The following MOV10 variants were observed in gnomAD, a reference collection of about 807,000 sequenced individuals.
MOV10 encodes Mov10 RNA helicase.
MOV10 carries 39 observed loss-of-function variants against 108.4 expected under a neutral mutation model. That is an observed-to-expected ratio of 0.36 (90% CI 0.28 to 0.47). MOV10 has a LOEUF of 0.47. Among genes scored for constraint, MOV10 ranks in the 20% least tolerant of loss-of-function variants. MOV10 has a pLI of 1.00. For missense variants in MOV10, 952 were observed against 1,297.6 expected, an observed-to-expected ratio of 0.73 and a Z score of 4.09; for synonymous variants, 490 against 523.1, an observed-to-expected ratio of 0.94 and a Z score of 0.86.
intron 6 of MOV10, among the ~76,000 whole-genome samples, chr1:112,692,422 G>A (rs990017615): frequency 2.0e-5 from 3 of 152,198 alleles, no homozygotes; most frequent in African/African-American, 7.2e-5. Flanking sequence ...GTTAGTCCTG[G>A]CCTGTTTGAG....
chr1:112,696,814 C>T lies in MOV10; in HGVS notation c.2166C>T (p.Pro722=), dbSNP rs1674137838. The change falls in exon 14 of 21, where the codon CCC becomes CCT. Residue 722 remains proline (P), a synonymous_variant. Transcript: ENST00000369645. ...AGAAGGGCCCTGATGGCTATGACCC[C>T]CAGTTCATAACCAAGCTGCTCCGCA... The part of the protein sequence containing the change: ...LYKKGPDGYD[P]QFITKLLRNY... 6.2e-7 allele frequency: 1 copy of T among 1,603,584 alleles called. No homozygotes were observed. Among genetic ancestry groups the T allele is most frequent in the Non-Finnish European group, 8.5e-7 (1 of 1,174,462 alleles).
Position 112,689,474 on chromosome 1 carries a change from C to T in MOV10, c.401C>T (p.Ala134Val), listed in dbSNP as rs1403751867. 1 of 1,613,742 alleles carries T rather than the reference C, an allele frequency of 6.2e-7. No homozygotes were observed. Among genetic ancestry groups the T allele is most frequent in the South Asian group, 1.1e-5 (1 of 91,066 alleles). The change falls in exon 4 of 21, where the codon GCC (alanine) becomes GTC (valine). Residue 134 changes from alanine (A) to valine (V), a missense_variant. By Grantham distance (64) the Ala-to-Val change is moderately conservative. Coordinates refer to ENST00000369645, the MANE Select transcript of MOV10 (RefSeq NM_001321324.2). ...VDVEVQGPHEARDGQLLIRLD... is the reference protein window; with the variant it reads ...VDVEVQGPHEVRDGQLLIRLD... ...GTGGAAGTCCAGGGGCCCCATGAAGCCCGAGATGGGCAGCTCCTTATCCGC... is the reference window on the plus strand; with the variant it reads ...GTGGAAGTCCAGGGGCCCCATGAAGTCCGAGATGGGCAGCTCCTTATCCGC...
chr1:112,697,891 G>T, intron 14 of MOV10, 103 bp from the exon 15 acceptor site: 1 of 896,766 alleles, frequency 1.1e-6, no homozygotes, highest in South Asian at 1.4e-5. Flanking sequence ...AGCCAGCGGG[G>T]TAGCAGGCTA....
intron 2 of MOV10, among the ~76,000 whole-genome samples, chr1:112,679,277 G>A (rs1478214695): frequency 2.0e-5 from 3 of 152,158 alleles, no homozygotes; most frequent in Non-Finnish European, 4.4e-5. Context: ...AGTGATACAA[G>A]TAGTTGGGAA....
Position 112,695,499 on chromosome 1 carries a change from G to C in MOV10, c.1704G>C (p.Arg568=), listed in dbSNP as rs759573125. ...CTGACCTACTCTGTCAAAGGCTCCG[G>C]GTCCACCTTCCTAGCTCCATCTACC... ...SGADLLCQRL[R]VHLPSSIYRL... Residue 568 remains arginine (R), a synonymous_variant, in exon 11 of 21, where the codon CGG becomes CGC. Transcript: ENST00000369645. 6.2e-7 allele frequency: 1 copy of C among 1,614,234 alleles called. No homozygotes were observed. Among genetic ancestry groups the C allele is most frequent in the Non-Finnish European group, 8.5e-7 (1 of 1,180,046 alleles).
At chr1:112,683,763 G>T (rs1672849223) in intron 2 of MOV10, among the ~76,000 whole-genome samples, 1 of 152,156 alleles carries the variant, frequency 6.6e-6, no homozygotes, top group African/African-American at 2.4e-5. Context: ...CTTACAATGT[G>T]TTCACCTTTC....
At position 112,700,598 on chromosome 1, in the gene MOV10, ACAGGAAGGCT is replaced by A. The variant is rs760397449; in HGVS notation, c.*92_*101del. The A allele has an allele frequency of 6.4e-7, 1 of 1,566,278 alleles. No homozygotes were observed. The highest frequency in any genetic ancestry group is 8.7e-7 in the Non-Finnish European group (1 of 1,155,936). Reference sequence around the variant, plus strand: ...CCCAGCTGAACTGCCCCTCCAAGGGACAGGAAGGCTGGGGGAGGGAGTTTACAACCCAAGC... The same window carrying A: ...CCCAGCTGAACTGCCCCTCCAAGGGAGGGGGAGGGAGTTTACAACCCAAGC... On this transcript the variant is annotated 3_prime_UTR_variant, in exon 21 of 21. Transcript: ENST00000369645.
At chr1:112,681,632 TAAAG>T (rs1323704246) in intron 2 of MOV10, among the ~76,000 whole-genome samples, 2 of 152,028 alleles carry the variant, frequency 1.3e-5, no homozygotes, top group South Asian at 2.1e-4. Flanking sequence ...ATTTTAAACA[TAAAG>T]AAAAGTTGAA....
In MOV10 at chr1:112,694,515, C is replaced by A; in HGVS notation, c.1358C>A (p.Pro453Gln). The change falls in exon 9 of 21, where the codon CCG becomes CAG. Residue 453 changes from proline to glutamine, a missense_variant. Pro to Gln is a moderately conservative substitution (Grantham distance 76, BLOSUM62 -1). Around this residue, in one of 5 missense-constraint regions of MOV10, gnomAD observed 453 missense variants for 611.5 expected, o/e 0.74. Transcript: ENST00000369645. The surrounding 1 kb of genome is among the most constrained non-coding windows in gnomAD (Gnocchi z 4.1). ...FKVNFTFNRQ[P>Q]LRVQHRALEL... The stretch of plus-strand genomic sequence containing the variant: ...GTGAACTTTACCTTCAACCGCCAGC[C>A]GCTGCGAGTCCAGCACCGTGCCCTG... 6.2e-7 allele frequency: 1 copy of A among 1,614,168 alleles called. No individual in the cohort carries two copies. The highest frequency in any genetic ancestry group is 8.5e-7 in the Non-Finnish European group (1 of 1,180,036).
chr1:112,694,213 A>G lies in MOV10; in HGVS notation c.1295+41A>G, dbSNP rs1462817650. 1 of 1,612,100 alleles carries G rather than the reference A, an allele frequency of 6.2e-7. No homozygotes were observed. The highest frequency in any genetic ancestry group is 1.1e-5 in the South Asian group (1 of 90,998). On this transcript the variant is annotated intron_variant, in intron 8 of 20. Coordinates refer to ENST00000369645, the MANE Select transcript of MOV10 (RefSeq NM_001321324.2). The surrounding 1 kb of genome is among the most constrained non-coding windows in gnomAD (Gnocchi z 4.1). ...ACCCTGAGCTGCTGGAAGGGTCTAC[A>G]GACTTCTGACCCCAGGGGAGGAGGA...
Position 112,700,634 on chromosome 1 carries a change from C to G in MOV10, c.*127C>G, listed in dbSNP as rs1220247241. On this transcript the variant is annotated 3_prime_UTR_variant, in exon 21 of 21. Transcript: ENST00000369645. ...GGGGGAGGGAGTTTACAACCCAAGC[C>G]ATTCCACCCCCTCCCCTGCTGGGGA... The G allele has an allele frequency of 5.2e-6, 8 of 1,545,528 alleles. No individual in the cohort carries two copies. In the East Asian group the frequency reaches 2.0e-4, roughly 38 times the overall value.
chr1:112,678,277 A>G (rs1452726144), intron 2 of MOV10, among the ~76,000 whole-genome samples: 3 of 152,068 alleles, frequency 2.0e-5, no homozygotes, highest in African/African-American at 7.3e-5. Flanking sequence ...AGTCCATTGT[A>G]TGGGGTAAGG....
chr1:112,681,213 C>T (rs11102519), intron 2 of MOV10, among the ~76,000 whole-genome samples: 4,789 of 151,918 alleles, frequency 0.032, 313 homozygotes, highest in African/African-American at 0.11. Flanking sequence ...CATGTTTGGC[C>T]GGGCTCAGTG....
At position 112,698,446 on chromosome 1, in the gene MOV10, A is replaced by C; in HGVS notation, c.2476A>C (p.Ser826Arg). 1.2e-6 allele frequency: 2 copies of C among 1,614,084 alleles called. No homozygotes were observed. The highest frequency in any genetic ancestry group is 1.1e-5 in the South Asian group (1 of 91,082). Residue 826 changes from serine (S) to arginine (R), a missense_variant, in exon 16 of 21, where the codon AGT becomes CGT. Physicochemically the swap from Ser to Arg is moderately radical, Grantham distance 110 (BLOSUM62 -1). Transcript: ENST00000369645. ...KKGKARLSPR[S>R]VGVISPYRKQ... ...GGGCAAAGCTCGCCTGAGCCCTCGA[A>C]GTGTGGGCGTCATCTCCCCGTACCG...
At chr1:112,697,021 T>C (rs1674164513) in intron 14 of MOV10, among the ~76,000 whole-genome samples, 175 bp downstream of exon 14, 2 of 152,224 alleles carry the variant, frequency 1.3e-5, no homozygotes, top group African/African-American at 4.8e-5. Context: ...GCTTGTTGTC[T>C]GCGTGACTTA....
Position 112,685,766 on chromosome 1 carries a change from G to A in MOV10, c.138-3169G>A, listed in dbSNP as rs369173996. On this transcript the variant is annotated intron_variant, in intron 2 of 20. Coordinates refer to ENST00000369645, the MANE Select transcript of MOV10 (RefSeq NM_001321324.2). ...TTTCCGACAAGAATATAATAAGTTT[G>A]TGATTTTTTAAAAATAATTTTTGTA... Among the ~76,000 whole-genome samples the A allele has an allele frequency of 8.5e-5, 13 of 152,224 alleles. No homozygotes were observed. The East Asian group carries it at 1.5e-3, about 18-fold the overall frequency.
At position 112,674,743 on chromosome 1, in the gene MOV10, G is replaced by C; in HGVS notation, c.-66+14G>C. On this transcript the variant is annotated intron_variant, in intron 1 of 20. Transcript: ENST00000369645. ...GGGAAAGCTCAGGTAAGAAAAGAAC[G>C]GAGGAGGGAAGCCTGGTGGGGAGAA... 3.4e-6 allele frequency: 2 copies of C among 583,476 alleles called. No individual in the cohort carries two copies. The highest frequency in any genetic ancestry group is 5.8e-6 in the Non-Finnish European group (2 of 345,660). The allele number at this position is 583,476 out of a possible 1,614,324, so 36.1% of individuals were successfully genotyped here. A position where few individuals can be genotyped will look rare whatever the true frequency, so the allele number is the denominator to read the frequency against.
At chr1:112,683,990 G>A (rs1329933895) in intron 2 of MOV10, among the ~76,000 whole-genome samples, 2 of 151,860 alleles carry the variant, frequency 1.3e-5, no homozygotes, top group Non-Finnish European at 2.9e-5. Context: ...TTGCTCTGTT[G>A]CCCAGACTGG....
rs1199386171 is a variant in MOV10, at chr1:112,675,463, G to A, written c.137+414G>A. The stretch of plus-strand genomic sequence containing the variant: ...TTAGAGGCTGCCTGTTGGGGGCTGC[G>A]AGCCCGAGCGCGGGCTTTACAGGGA... On this transcript the variant is annotated intron_variant, in intron 2 of 20. Transcript: ENST00000369645. This position sits in a 1 kb window ranked among gnomAD's most constrained non-coding sequence, Gnocchi z 4.7. Among the ~76,000 whole-genome samples, 1 of 152,234 alleles carries A rather than the reference G, an allele frequency of 6.6e-6. No individual in the cohort carries two copies. The highest frequency in any genetic ancestry group is 1.5e-5 in the Non-Finnish European group (1 of 68,034).
Sources: gnomAD v4.1 joint callset for allele counts (sites outside exome capture counted in the v4.1 genomes callset) on GRCh38, gnomAD v4.1.1 for gene constraint, gnomAD v4.1.1 regional missense constraint, Gnocchi (gnomAD v3.1) non-coding constraint, MANE v1.5 for transcripts, NCBI Gene and HGNC (gene_info 2026-07-23, HGNC 2026-07-21) for gene names.